NHSL1: variants seen among roughly 807,000 people sequenced by gnomAD.
NHSL1 encodes the protein NHS like 1.
In NHSL1, 48 loss-of-function variants were observed where a neutral mutation model predicts 95.0. The observed-to-expected ratio is 0.51, with a 90% confidence interval of 0.40 to 0.64. The LOEUF is 0.64. Ranked by LOEUF, NHSL1 falls within the 30% of genes least tolerant of loss-of-function variation. The probability of loss-of-function intolerance (pLI) is 0.00; values close to 1 mark genes in which losing one functional copy is unlikely to be tolerated. For missense variants in NHSL1, 1,971 were observed against 2,077.7 expected (o/e 0.95, Z 1.00); for synonymous variants, 783 against 833.9 (o/e 0.94, Z 1.05).
At chr6:138,677,385 T>C (rs77750406) in intron 1 of NHSL1, among the ~76,000 whole-genome samples, 6,517 of 152,084 alleles carry the variant, frequency 0.043, 470 homozygotes, top group African/African-American at 0.15. Context: ...CTGGATGCTG[T>C]TTAAAGTTCT....
At chr6:138,627,610 G>A (rs545103903) in intron 1 of NHSL1, among the ~76,000 whole-genome samples, 14 of 152,274 alleles carry the variant, frequency 9.2e-5, no homozygotes, top group Admixed American at 2.6e-4. Flanking sequence ...ATGGCCAGTC[G>A]CGGTGGCTCA....
chr6:138,674,097 C>A (rs992618334), intron 1 of NHSL1, among the ~76,000 whole-genome samples: 4 of 152,008 alleles, frequency 2.6e-5, no homozygotes, highest in African/African-American at 9.7e-5. Context: ...ACTACATATA[C>A]ATGAAAATAA....
At chr6:138,680,143 C>T (rs1447258018) in intron 1 of NHSL1, among the ~76,000 whole-genome samples, 1 of 152,122 alleles carries the variant, frequency 6.6e-6, no homozygotes, top group South Asian at 2.1e-4. Context: ...TAGTGGGTTA[C>T]GTAATTCAAT....
At chr6:138,629,711 A>C (rs1784792055) in intron 1 of NHSL1, among the ~76,000 whole-genome samples, 1 of 152,166 alleles carries the variant, frequency 6.6e-6, no homozygotes, top group Non-Finnish European at 1.5e-5. Flanking sequence ...AAGAGAAGCA[A>C]ATGCCTGAAT....
At chr6:138,467,311 C>T (rs1160228001) in intron 3 of NHSL1, among the ~76,000 whole-genome samples, 5 of 152,060 alleles carry the variant, frequency 3.3e-5, no homozygotes, top group African/African-American at 9.7e-5. Context: ...CGCCACCTCG[C>T]CTGGCTAATT....
intron 3 of NHSL1, among the ~76,000 whole-genome samples, chr6:138,457,661 C>A (rs2128230467): frequency 6.6e-6 from 1 of 152,256 alleles, no homozygotes; most frequent in African/African-American, 2.4e-5. Context: ...TTGTAACACA[C>A]CCCTCCCCTC....
At chr6:138,563,724 G>C (rs1783498851) in intron 1 of NHSL1, among the ~76,000 whole-genome samples, 1 of 152,170 alleles carries the variant, frequency 6.6e-6, no homozygotes, top group Non-Finnish European at 1.5e-5. Context: ...AGCACAAGGA[G>C]GCAATGGGGT....
At chr6:138,436,456 A>G (rs977483534) in intron 5 of NHSL1, among the ~76,000 whole-genome samples, 25 of 152,248 alleles carry the variant, frequency 1.6e-4, no homozygotes, top group Admixed American at 1.6e-3. Context: ...AAGCTGAGAG[A>G]GGTGAGGAAG....
chr6:138,579,156 C>T (rs1185739299), intron 1 of NHSL1, among the ~76,000 whole-genome samples: 3 of 152,214 alleles, frequency 2.0e-5, no homozygotes, highest in Admixed American at 6.5e-5. Flanking sequence ...GGCAGCAATG[C>T]TCGCTTGCCC....
chr6:138,497,908 T>C (rs1447686378), intron 1 of NHSL1, among the ~76,000 whole-genome samples: 1 of 152,254 alleles, frequency 6.6e-6, no homozygotes, highest in Non-Finnish European at 1.5e-5. Context: ...GAACTAGATA[T>C]CAAGTTAAAA....
intron 1 of NHSL1, among the ~76,000 whole-genome samples, chr6:138,581,883 T>C (rs1681364088): frequency 6.8e-6 from 1 of 146,142 alleles, no homozygotes; most frequent in South Asian, 2.1e-4. Flanking sequence ...ATTTTGAGGT[T>C]CTACTTTTTC....
intron 1 of NHSL1, among the ~76,000 whole-genome samples, chr6:138,595,383 G>A (rs920983769): frequency 4.9e-4 from 75 of 152,178 alleles, no homozygotes; most frequent in African/African-American, 1.7e-3. Flanking sequence ...AGACCAGCCT[G>A]GGCAACATAA....
intron 1 of NHSL1, among the ~76,000 whole-genome samples, chr6:138,515,849 T>C (rs1781437283): frequency 1.3e-5 from 2 of 152,146 alleles, no homozygotes; most frequent in Non-Finnish European, 2.9e-5. Flanking sequence ...ATGAAACACA[T>C]TCCAACTCAA....
intron 1 of NHSL1, among the ~76,000 whole-genome samples, chr6:138,636,122 C>CAAA (rs199791161): frequency 2.2e-5 from 2 of 89,696 alleles, no homozygotes; most frequent in African/African-American, 4.5e-5. Context: ...GACTCTGTCT[C>CAAA]AAAAAAAAAA....
At chr6:138,449,150 TAC>T (rs1488988662) in intron 3 of NHSL1, among the ~76,000 whole-genome samples, 1 of 152,116 alleles carries the variant, frequency 6.6e-6, no homozygotes, top group Non-Finnish European at 1.5e-5. Context: ...GTATTTATTC[TAC>T]AACTACTAGG....
chr6:138,648,389 A>G (rs1164380222), intron 1 of NHSL1, among the ~76,000 whole-genome samples: 1 of 150,174 alleles, frequency 6.7e-6, no homozygotes, highest in Non-Finnish European at 1.5e-5. Context: ...TTTGCTCAAG[A>G]TTCTGCAATC....
intron 1 of NHSL1, among the ~76,000 whole-genome samples, chr6:138,508,281 T>C (rs9484168): frequency 0.049 from 7,465 of 152,278 alleles, 217 homozygotes; most frequent in African/African-American, 0.078. Context: ...AAAGTCGCTC[T>C]AGTGCATGGC....
chr6:138,587,020 T>C (rs1188072794), intron 1 of NHSL1, among the ~76,000 whole-genome samples: 2 of 152,092 alleles, frequency 1.3e-5, no homozygotes, highest in African/African-American at 4.8e-5. Context: ...TCATCCATGT[T>C]GGAGTGCAGC....
At chr6:138,688,334 A>G (rs1332961733) in intron 1 of NHSL1, among the ~76,000 whole-genome samples, 1 of 149,668 alleles carries the variant, frequency 6.7e-6, no homozygotes, top group Non-Finnish European at 1.5e-5. Context: ...AAGAAAACCC[A>G]ATCACACAGG....
Sources: gnomAD v4.1 joint callset for allele counts (sites outside exome capture counted in the v4.1 genomes callset) on GRCh38, gnomAD v4.1.1 for gene constraint, MANE v1.5 for transcripts, NCBI Gene and HGNC (gene_info 2026-07-23, HGNC 2026-07-21) for gene names.